Variants in NR6A1 observed in about 807,000 individuals in gnomAD.
The protein encoded by NR6A1 is retinoic acid receptor-related testis-associated receptor.
A neutral mutation model predicts 59.1 loss-of-function variants in NR6A1; 7 were observed. The observed-to-expected ratio is 0.12, with a 90% confidence interval of 0.07 to 0.22. The LOEUF (loss-of-function observed/expected upper bound fraction) is 0.22, where lower values mean the gene tolerates loss of function less well. Among genes scored for constraint, NR6A1 ranks in the 10% least tolerant of loss-of-function variants. NR6A1 has a pLI of 1.00. For missense variants in NR6A1, 468 were observed against 611.6 expected, an observed-to-expected ratio of 0.77 and a Z score of 2.48; for synonymous variants, 243 against 236.1, an observed-to-expected ratio of 1.03 and a Z score of -0.27.
rs756970541 is a variant in NR6A1, at chr9:124,733,308, T to C, written c.142A>G (p.Ile48Val). The C allele has an allele frequency of 6.2e-7, 1 of 1,610,906 alleles. No homozygotes were observed. The highest frequency in any genetic ancestry group is 1.1e-5 in the South Asian group (1 of 91,022). ...ATATTGGGTAACATTGAGAACTTAC[T>C]AGTGCCTGGGTCAAGCTCTGCCAAT... Reference protein sequence around the residue: ...DELAELDPGTISVSDDRAEQR... With the variant: ...DELAELDPGTVSVSDDRAEQR... The change falls in exon 2 of 10, where the codon ATT becomes GTT. Residue 48 changes from isoleucine to valine, a missense_variant and splice_region_variant. This residue lies in a region of NR6A1 where 75 missense variants were observed against 65.6 expected (regional missense o/e 1.14). Coordinates refer to ENST00000487099, the MANE Select transcript of NR6A1 (RefSeq NM_033334.4).
chr9:124,767,762 T>A (rs1840981133), intron 1 of NR6A1, among the ~76,000 whole-genome samples: 1 of 152,238 alleles, frequency 6.6e-6, no homozygotes, highest in Non-Finnish European at 1.5e-5. Flanking sequence ...ACCGTGCTAT[T>A]CAGTGAACTT....
chr9:124,753,159 G>C (rs1840553122), intron 1 of NR6A1, among the ~76,000 whole-genome samples: 1 of 152,124 alleles, frequency 6.6e-6, no homozygotes, highest in Non-Finnish European at 1.5e-5. Context: ...AAAGCTGTTA[G>C]TACCTTTTCC....
At chr9:124,697,398 A>G (rs188905759) in intron 2 of NR6A1, among the ~76,000 whole-genome samples, 2 of 152,168 alleles carry the variant, frequency 1.3e-5, no homozygotes, top group Admixed American at 1.3e-4. Context: ...AGAAGATAAA[A>G]GTAAGGTACT....
At chr9:124,589,659 T>C (rs1004282617) in intron 2 of NR6A1, among the ~76,000 whole-genome samples, 6 of 152,210 alleles carry the variant, frequency 3.9e-5, no homozygotes, top group African/African-American at 1.2e-4. Flanking sequence ...TGTCTGCTTT[T>C]TTCTTTTTTC....
At chr9:124,530,049 T>C (rs1221357533) in intron 7 of NR6A1, among the ~76,000 whole-genome samples, 1 of 152,072 alleles carries the variant, frequency 6.6e-6, no homozygotes, top group East Asian at 1.9e-4. Flanking sequence ...GCCCCAAGTG[T>C]TCACTCTGGC....
intron 2 of NR6A1, among the ~76,000 whole-genome samples, chr9:124,565,580 A>G (rs1438480010): frequency 1.3e-5 from 2 of 152,196 alleles, no homozygotes; most frequent in African/African-American, 4.8e-5. Flanking sequence ...CATGCAATAC[A>G]CTACCTACAA....
chr9:124,682,293 C>T (rs559881580), intron 2 of NR6A1, among the ~76,000 whole-genome samples: 8 of 152,178 alleles, frequency 5.3e-5, no homozygotes, highest in South Asian at 4.1e-4. Flanking sequence ...TCAGCCATCG[C>T]GCCTGGCCGC....
At chr9:124,760,297 G>A (rs1196505448) in intron 1 of NR6A1, among the ~76,000 whole-genome samples, 1 of 151,898 alleles carries the variant, frequency 6.6e-6, no homozygotes, top group African/African-American at 2.4e-5. Flanking sequence ...GGGAGACAGA[G>A]TGAGACTCCA....
chr9:124,562,090 T>C (rs1834100135), intron 2 of NR6A1, among the ~76,000 whole-genome samples: 1 of 152,178 alleles, frequency 6.6e-6, no homozygotes, highest in African/African-American at 2.4e-5. Flanking sequence ...AATTGGCATA[T>C]AAAGTCATGT....
At chr9:124,607,034 A>G (rs1169599601) in intron 2 of NR6A1, 1 of 152,230 alleles carries the variant, frequency 6.6e-6, no homozygotes. Flanking sequence ...AGATTGGGAT[A>G]CATACTCCAG....
chr9:124,712,060 CCT>C (rs1267491372), intron 2 of NR6A1, among the ~76,000 whole-genome samples: 2 of 152,084 alleles, frequency 1.3e-5, no homozygotes, highest in East Asian at 3.9e-4. Flanking sequence ...AGTGCTCTTC[CCT>C]CTTTGGTTAG....
chr9:124,684,379 C>T (rs2131002218), intron 2 of NR6A1, among the ~76,000 whole-genome samples: 1 of 152,298 alleles, frequency 6.6e-6, no homozygotes, highest in South Asian at 2.1e-4. Context: ...GTCCAAGCTC[C>T]ACTTTTTCCA....
chr9:124,632,553 G>T (rs1460115837), intron 2 of NR6A1, among the ~76,000 whole-genome samples: 4 of 152,132 alleles, frequency 2.6e-5, no homozygotes, highest in African/African-American at 9.7e-5. Context: ...TACAGATGCT[G>T]GATATTAGAC....
chr9:124,734,629 G>T (rs1171319967), intron 1 of NR6A1, among the ~76,000 whole-genome samples: 1 of 152,100 alleles, frequency 6.6e-6, no homozygotes, highest in African/African-American at 2.4e-5. Context: ...GGAGGTGGAG[G>T]TTGCAGTGAG....
intron 2 of NR6A1, among the ~76,000 whole-genome samples, chr9:124,713,467 T>C (rs1165060653): frequency 1.3e-5 from 2 of 152,146 alleles, no homozygotes; most frequent in Admixed American, 1.3e-4. Flanking sequence ...ACCTGCAGAA[T>C]GGATGAAAAT....
At position 124,624,548 on chromosome 9, in the gene NR6A1, G is replaced by A. The variant is rs533535610; in HGVS notation, c.143-69978C>T. Among the ~76,000 whole-genome samples, 3 of 152,326 alleles carry A rather than the reference G, an allele frequency of 2.0e-5. No homozygotes were observed. The East Asian group carries it at 5.8e-4, about 29-fold the overall frequency. On this transcript the variant is annotated intron_variant, in intron 2 of 9. Transcript: ENST00000487099. ...TCCCTGCTTAGCCTGAGAATGTGCAGAGACAGAACGCTGGGACGGGAGTTA... is the reference window on the plus strand; with the variant it reads ...TCCCTGCTTAGCCTGAGAATGTGCAAAGACAGAACGCTGGGACGGGAGTTA...
chr9:124,767,264 T>C (rs1840959926), intron 1 of NR6A1, among the ~76,000 whole-genome samples: 1 of 152,204 alleles, frequency 6.6e-6, no homozygotes, highest in Non-Finnish European at 1.5e-5. Flanking sequence ...CTCCCTTTCA[T>C]GTACTAACAC....
chr9:124,608,674 G>C (rs879017211), intron 2 of NR6A1, among the ~76,000 whole-genome samples: 1 of 152,108 alleles, frequency 6.6e-6, no homozygotes. Flanking sequence ...TGGAATTGCT[G>C]GGTCAAATGG....
At position 124,732,411 on chromosome 9, in the gene NR6A1, A is replaced by G. The variant is rs914918042; in HGVS notation, c.142+897T>C. ...TAACCATTATGACTATGTGTCCCAGAATGGTGCACGCCACCACATTTAGGA... is the reference window on the plus strand; with the variant it reads ...TAACCATTATGACTATGTGTCCCAGGATGGTGCACGCCACCACATTTAGGA... On this transcript the variant is annotated intron_variant, in intron 2 of 9. Coordinates refer to ENST00000487099, the MANE Select transcript of NR6A1 (RefSeq NM_033334.4). Among the ~76,000 whole-genome samples the G allele has an allele frequency of 7.2e-5, 11 of 152,210 alleles. No individual in the cohort carries two copies. The East Asian group carries it at 2.1e-3, about 29-fold the overall frequency.
Sources: gnomAD v4.1 joint callset for allele counts (sites outside exome capture counted in the v4.1 genomes callset) on GRCh38, gnomAD v4.1.1 for gene constraint, gnomAD v4.1.1 regional missense constraint, MANE v1.5 for transcripts, NCBI Gene and HGNC (gene_info 2026-07-23, HGNC 2026-07-21) for gene names.